The following ACCSL variants were observed in gnomAD, a reference collection of about 807,000 sequenced individuals.
ACCSL encodes probable inactive 1-aminocyclopropane-1-carboxylate synthase-like protein 2.
ACCSL carries 55 observed loss-of-function variants against 61.7 expected under a neutral mutation model. The observed-to-expected ratio is 0.89, with a 90% CI of 0.72 to 1.12. The LOEUF (loss-of-function observed/expected upper bound fraction) is 1.12. ACCSL is among the 50% of genes most tolerant of loss of function. The probability of loss-of-function intolerance (pLI) is 0.00; values close to 1 mark genes in which losing one functional copy is unlikely to be tolerated. For missense variants in ACCSL, 632 were observed against 698.0 expected (o/e 0.91, Z 1.07); for synonymous variants, 258 against 264.3 (o/e 0.98, Z 0.23).
chr11:44,016,617 G>T, the ACCSL span, among the ~76,000 whole-genome samples: 3 of 152,086 alleles, frequency 2.0e-5, no homozygotes, highest in Non-Finnish European at 2.9e-5. Flanking sequence ...GAAAAGGGTG[G>T]GTGGTCCTCA....
At chr11:44,006,438 A>G in the ACCSL span, among the ~76,000 whole-genome samples, 1 of 151,168 alleles carries the variant, frequency 6.6e-6, no homozygotes, top group East Asian at 1.9e-4. Context: ...GACTTTGGGT[A>G]AGGTACCCAA....
At chr11:44,010,350 C>T in the ACCSL span, among the ~76,000 whole-genome samples, 1 of 152,044 alleles carries the variant, frequency 6.6e-6, no homozygotes, top group African/African-American at 2.4e-5. Context: ...AAAAAAAAAT[C>T]GTCTCCTTCA....
At chr11:44,042,731 G>T in the ACCSL span, among the ~76,000 whole-genome samples, 1 of 151,864 alleles carries the variant, frequency 6.6e-6, no homozygotes, top group Admixed American at 6.6e-5. Context: ...AATATCCTGT[G>T]TAAGTATGAG....
the ACCSL span, among the ~76,000 whole-genome samples, chr11:43,990,311 T>C: frequency 6.6e-6 from 1 of 152,176 alleles, no homozygotes; most frequent in Admixed American, 6.5e-5. Context: ...TCATAGTAAT[T>C]TATGTCTCAT....
At chr11:44,001,372 T>C in the ACCSL span, among the ~76,000 whole-genome samples, 2 of 151,778 alleles carry the variant, frequency 1.3e-5, no homozygotes, top group African/African-American at 4.8e-5. Flanking sequence ...TTTCCATCAG[T>C]CTTTTCTAGC....
the ACCSL span, among the ~76,000 whole-genome samples, chr11:44,034,742 T>C: frequency 6.6e-6 from 1 of 152,130 alleles, no homozygotes; most frequent in African/African-American, 2.4e-5. Context: ...AAGATGAGAT[T>C]TGGGTGGGGA....
In ACCSL at chr11:44,053,371, T is replaced by C. The variant is rs772213674; in HGVS notation, c.949-35T>C. ...TGAATTTAGGGTAGATGCTAAGGACTTGTATTCACTCAGTTATATTTGGGT... is the reference window on the plus strand; with the variant it reads ...TGAATTTAGGGTAGATGCTAAGGACCTGTATTCACTCAGTTATATTTGGGT... On this transcript the variant is annotated intron_variant, in intron 7 of 13. Transcript: ENST00000378832. 38 of 1,594,652 alleles carry C rather than the reference T, an allele frequency of 2.4e-5. No individual in the cohort carries two copies. The East Asian group carries it at 8.0e-4, about 34-fold the overall frequency.
the ACCSL span, among the ~76,000 whole-genome samples, chr11:44,001,750 C>T: frequency 6.0e-5 from 7 of 116,022 alleles, no homozygotes; most frequent in African/African-American, 2.4e-4. Context: ...GGGGTGGGAG[C>T]AGGGGGGAAG....
chr11:44,028,011 C>CA, the ACCSL span, among the ~76,000 whole-genome samples: 1 of 151,924 alleles, frequency 6.6e-6, no homozygotes, highest in East Asian at 1.9e-4. Flanking sequence ...CAAGTCTTCT[C>CA]AAAAAAATTA....
chr11:43,924,748 G>A, the ACCSL span, among the ~76,000 whole-genome samples: 4 of 152,326 alleles, frequency 2.6e-5, no homozygotes, highest in South Asian at 2.1e-4. Flanking sequence ...CACCAGCCTC[G>A]CCACCAGTCC....
At chr11:43,992,640 G>T in the ACCSL span, among the ~76,000 whole-genome samples, 3 of 142,586 alleles carry the variant, frequency 2.1e-5, no homozygotes, top group African/African-American at 7.3e-5. Flanking sequence ...CAAGTGAAAG[G>T]TATGATCAAT....
At chr11:43,987,793 G>C in the ACCSL span, among the ~76,000 whole-genome samples, 6 of 152,352 alleles carry the variant, frequency 3.9e-5, no homozygotes, top group South Asian at 2.1e-4. Flanking sequence ...CAGCGCTCGG[G>C]GGGGTCAAGG....
chr11:43,995,167 C>T, the ACCSL span: 1 of 152,154 alleles, frequency 6.6e-6, no homozygotes, highest in African/African-American at 2.4e-5. Context: ...CTGGGTATTT[C>T]AGGGGAGGGG....
chr11:44,047,383 G>A (rs1361704551), upstream of ACCSL, among the ~76,000 whole-genome samples: 6 of 152,232 alleles, frequency 3.9e-5, no homozygotes, highest in Non-Finnish European at 5.9e-5. Context: ...TTCTTCAACA[G>A]GGCTTGGCAA....
chr11:43,942,775 C>A, the ACCSL span: 1 of 459,624 alleles, frequency 2.2e-6, no homozygotes, highest in Non-Finnish European at 2.9e-6. Flanking sequence ...GCCGCCGCCA[C>A]CCCGCAGCAG....
In ACCSL at chr11:44,051,729, T is replaced by C. The variant is rs889794587; in HGVS notation, c.772+10T>C. The C allele has an allele frequency of 4.3e-6, 7 of 1,613,936 alleles. No homozygotes were observed. In the African/African-American group the frequency reaches 8.0e-5, roughly 18 times the overall value. Reference sequence around the variant, plus strand: ...CTGTGTGATCCAGGCGGTAAGTCAGTGGGCTCTCCTTTCACTCTCAGTGAA... The same window carrying C: ...CTGTGTGATCCAGGCGGTAAGTCAGCGGGCTCTCCTTTCACTCTCAGTGAA... On this transcript the variant is annotated intron_variant, in intron 5 of 13. Coordinates refer to ENST00000378832, the MANE Select transcript of ACCSL (RefSeq NM_001031854.2).
chr11:43,943,741 G>A, the ACCSL span: 20 of 1,304,280 alleles, frequency 1.5e-5, no homozygotes, highest in South Asian at 1.7e-4. The surrounding 1 kb of genome is among the most constrained non-coding windows in gnomAD (Gnocchi z 4.8). Context: ...TGGGCGCAGC[G>A]CGGCTGCTAC....
the ACCSL span, chr11:43,943,540 T>C: frequency 7.6e-7 from 1 of 1,321,884 alleles, no homozygotes; most frequent in Non-Finnish European, 1.0e-6. This position sits in a 1 kb window ranked among gnomAD's most constrained non-coding sequence, Gnocchi z 4.8. Context: ...CGAACTCTGC[T>C]GTGAGTGTGT....
At chr11:44,058,773 C>T in intron 13 of ACCSL, 74 bp downstream of exon 13, 2 of 1,498,740 alleles carry the variant, frequency 1.3e-6, no homozygotes, top group Admixed American at 3.9e-5. Context: ...CCCCCACCCC[C>T]CTTAAACATC....
Sources: allele counts gnomAD v4.1 joint callset (sites outside exome capture counted in the v4.1 genomes callset), GRCh38; gene constraint gnomAD v4.1.1; non-coding constraint Gnocchi (gnomAD v3.1); transcripts MANE v1.5; gene names NCBI Gene and HGNC (gene_info 2026-07-23, HGNC 2026-07-21).